Variants in EPB41L3 observed in about 807,000 individuals in gnomAD.
EPB41L3 encodes the protein band 4.1-like protein 3.
EPB41L3 carries 57 observed loss-of-function variants against 127.1 expected under a neutral mutation model. The ratio of observed to expected loss-of-function variants is 0.45; its 90% CI spans 0.36 to 0.56. The LOEUF is 0.56. Ranked by LOEUF, EPB41L3 falls within the 20% of genes least tolerant of loss-of-function variation. The pLI, the probability that EPB41L3 is intolerant of heterozygous loss-of-function variation, is 0.00. For synonymous variants in EPB41L3, 572 were observed against 549.5 expected (o/e 1.04, Z -0.57); for missense variants, 1,273 against 1,372.2 (o/e 0.93, Z 1.14).
intron 1 of EPB41L3, among the ~76,000 whole-genome samples, chr18:5,531,367 G>T (rs1002053714): frequency 2.0e-5 from 3 of 152,190 alleles, no homozygotes; most frequent in African/African-American, 7.2e-5. Context: ...CATGGGTTAG[G>T]ATCAGAGATA....
At chr18:5,557,811 A>G (rs903702635) in intron 3 of EPB41L3, among the ~76,000 whole-genome samples, 3 of 152,182 alleles carry the variant, frequency 2.0e-5, no homozygotes, top group African/African-American at 7.2e-5. Flanking sequence ...AAGGAGCCAA[A>G]ATGATTTTGC....
At chr18:5,540,535 C>G in intron 1 of EPB41L3, 4 of 985,498 alleles carry the variant, frequency 4.1e-6, no homozygotes, top group Non-Finnish European at 4.8e-6. Context: ...GAATTCCCCA[C>G]AGCCAAGGCA....
At chr18:5,589,956 C>T (rs1042114919) in intron 3 of EPB41L3, among the ~76,000 whole-genome samples, 6 of 152,022 alleles carry the variant, frequency 3.9e-5, no homozygotes, top group South Asian at 2.1e-4. Context: ...TTGTCCTTTT[C>T]GGGATAGAAA....
chr18:5,488,460 T>G (rs540275291), intron 2 of EPB41L3, among the ~76,000 whole-genome samples: 1 of 152,130 alleles, frequency 6.6e-6, no homozygotes, highest in Non-Finnish European at 1.5e-5. Context: ...AAATACCTAA[T>G]GTAGATGATG....
chr18:5,581,824 C>CT (rs2094396512), intron 3 of EPB41L3, among the ~76,000 whole-genome samples: 1 of 152,060 alleles, frequency 6.6e-6, no homozygotes, highest in Non-Finnish European at 1.5e-5. Flanking sequence ...TAGCGAGACT[C>CT]TATCTCTACA....
intron 3 of EPB41L3, among the ~76,000 whole-genome samples, chr18:5,559,621 G>A (rs574617284): frequency 6.6e-5 from 10 of 151,976 alleles, no homozygotes; most frequent in African/African-American, 1.7e-4. Context: ...TCTGAGTTCC[G>A]AATAATCATT....
At chr18:5,450,961 T>C (rs2082208982) in intron 3 of EPB41L3, among the ~76,000 whole-genome samples, 1 of 152,210 alleles carries the variant, frequency 6.6e-6, no homozygotes, top group Non-Finnish European at 1.5e-5. Flanking sequence ...GATACTTCAT[T>C]AGGAAGCACT....
intron 3 of EPB41L3, among the ~76,000 whole-genome samples, chr18:5,604,999 G>C (rs2094634015): frequency 6.6e-6 from 1 of 152,082 alleles, no homozygotes; most frequent in Non-Finnish European, 1.5e-5. Flanking sequence ...AACCATCTGT[G>C]GGGATTGCCT....
chr18:5,459,646 A>C (rs1018240472), intron 3 of EPB41L3, among the ~76,000 whole-genome samples: 10 of 152,170 alleles, frequency 6.6e-5, no homozygotes, highest in African/African-American at 2.4e-4. Context: ...AGAATGTTTT[A>C]AGCTGCAATC....
Position 5,561,778 on chromosome 18 carries a change from G to A in EPB41L3, c.-306+50562C>T, listed in dbSNP as rs374363200. 9.9e-5 allele frequency among the ~76,000 whole-genome samples: 15 copies of A among 152,206 alleles called. No homozygotes were observed. The East Asian group carries it at 1.2e-3, about 12-fold the overall frequency. ...AGTACAGTAGAGAAAGCCAGTAGAC[G>A]CCACCTTAACCAAGTGATCAACACT... On this transcript the variant is annotated intron_variant, in intron 3 of 21. Coordinates refer to the EPB41L3 transcript ENST00000545076.
chr18:5,460,418 T>C (rs749264784), intron 3 of EPB41L3, among the ~76,000 whole-genome samples: 39 of 152,206 alleles, frequency 2.6e-4, no homozygotes, highest in Non-Finnish European at 4.4e-5. Context: ...TCTCCAGTTT[T>C]ATCCATACCA....
chr18:5,616,226 G>A (rs999091031), intron 1 of EPB41L3, among the ~76,000 whole-genome samples: 4 of 151,874 alleles, frequency 2.6e-5, no homozygotes, highest in Admixed American at 6.6e-5. Context: ...AGCCCACTAC[G>A]TGTATGCCTG....
At chr18:5,413,476 A>G (rs1001261470) in intron 13 of EPB41L3, among the ~76,000 whole-genome samples, 13 of 152,254 alleles carry the variant, frequency 8.5e-5, no homozygotes, top group African/African-American at 3.1e-4. Flanking sequence ...ATGATGATAC[A>G]ATATTTAAAA....
intron 3 of EPB41L3, among the ~76,000 whole-genome samples, chr18:5,462,858 G>A (rs1228122099): frequency 6.6e-6 from 1 of 152,194 alleles, no homozygotes; most frequent in Non-Finnish European, 1.5e-5. Context: ...TGCAATAGTA[G>A]ATTGCTACTT....
At chr18:5,629,778 A>C (rs1248737895), upstream of EPB41L3, among the ~76,000 whole-genome samples, 2 of 152,166 alleles carry the variant, frequency 1.3e-5, no homozygotes, top group African/African-American at 4.8e-5. Context: ...CGTCCAGCCC[A>C]CAACTAGGCT....
At chr18:5,584,702 T>C (rs924107136) in intron 3 of EPB41L3, among the ~76,000 whole-genome samples, 1 of 152,210 alleles carries the variant, frequency 6.6e-6, no homozygotes, top group Non-Finnish European at 1.5e-5. Context: ...CTGAGTAAAA[T>C]TGATGCTTCT....
intron 3 of EPB41L3, among the ~76,000 whole-genome samples, chr18:5,568,641 G>A (rs924458133): frequency 2.0e-5 from 3 of 152,116 alleles, no homozygotes; most frequent in African/African-American, 7.2e-5. Flanking sequence ...AAGAAACTAA[G>A]GAAGTTCCAG....
At chr18:5,583,453 C>G (rs988702435) in intron 3 of EPB41L3, among the ~76,000 whole-genome samples, 4 of 152,204 alleles carry the variant, frequency 2.6e-5, no homozygotes, top group African/African-American at 9.7e-5. Flanking sequence ...AAGAGTAGCA[C>G]AATTCAAAAT....
intron 5 of EPB41L3, among the ~76,000 whole-genome samples, chr18:5,440,793 ATATAGTC>A (rs1338831903): frequency 6.6e-6 from 1 of 152,226 alleles, no homozygotes; most frequent in African/African-American, 2.4e-5. Flanking sequence ...AAATCACAAA[ATATAGTC>A]TATTTAGAAA....
Sources: allele counts gnomAD v4.1 joint callset (sites outside exome capture counted in the v4.1 genomes callset), GRCh38; gene constraint gnomAD v4.1.1; transcripts MANE v1.5; gene names NCBI Gene and HGNC (gene_info 2026-07-23, HGNC 2026-07-21).